Variants in TATDN2 observed in about 807,000 individuals in gnomAD.
The protein encoded by TATDN2 is 3'-5' RNA nuclease TATDN2.
Under a neutral mutation model 60.3 loss-of-function variants are expected in TATDN2, and 44 were observed. That is an observed-to-expected ratio of 0.73 (90% CI 0.57 to 0.94). The LOEUF (loss-of-function observed/expected upper bound fraction) is 0.94. TATDN2 is among the 40% of genes least tolerant of loss of function. The probability of loss-of-function intolerance (pLI) is 0.00; values close to 1 mark genes in which losing one functional copy is unlikely to be tolerated. For missense variants in TATDN2, 997 were observed against 948.0 expected (o/e 1.05, Z -0.68); for synonymous variants, 399 against 355.8 (o/e 1.12, Z -1.37).
rs932027667 is a variant in TATDN2 at position 10,279,192 on chromosome 3, CCTT to C, written c.*39-22_*39-20del. 280 of 954,688 alleles carry C rather than the reference CCTT, an allele frequency of 2.9e-4. 1 individual carries two copies. Among genetic ancestry groups the C allele is most frequent in the South Asian group, 1.4e-3 (79 of 55,720 alleles). The allele number at this position is 954,688 out of a possible 1,614,324, so 59.1% of individuals were successfully genotyped here. On this transcript the variant is annotated intron_variant, in intron 7 of 7. Transcript: ENST00000448281. ...TTGTTTTGAGTGACATGGTTTGGAA[CCTT>C]CTTCTTTTTCTCTTCCACCCTCCAG...
Position 10,270,527 on chromosome 3 carries a change from C to T in TATDN2, c.1345C>T (p.Arg449Cys), listed in dbSNP as rs557647156. Reference protein sequence around the residue: ...EGWSQNSRSFRFSRSSEEREV... With the variant: ...EGWSQNSRSFCFSRSSEEREV... ...CTGGTCCCAGAATTCTCGTTCATTT[C>T]GCTTCTCCAGAAGCTCAGAAGAAAG... Residue 449 changes from arginine to cysteine, a missense_variant, in exon 4 of 8, where the codon CGC (arginine) becomes TGC (cysteine). Coordinates refer to ENST00000448281, the MANE Select transcript of TATDN2 (RefSeq NM_014760.4). 1.1e-5 allele frequency: 17 copies of T among 1,614,232 alleles called. No homozygotes were observed. Among genetic ancestry groups the T allele is most frequent in the South Asian group, 4.4e-5 (4 of 91,086 alleles).
At chr3:10,253,059 A>G (rs1039426064) in intron 2 of TATDN2, among the ~76,000 whole-genome samples, 3 of 151,828 alleles carry the variant, frequency 2.0e-5, no homozygotes, top group African/African-American at 7.3e-5. Context: ...GGGTTTCACC[A>G]TGTTAGCCAG....
intron 3 of TATDN2, among the ~76,000 whole-genome samples, chr3:10,269,363 G>C (rs1698523424): frequency 6.6e-6 from 1 of 152,190 alleles, no homozygotes; most frequent in Non-Finnish European, 1.5e-5. Context: ...AGGGGTCATA[G>C]ACCCCACTCT....
chr3:10,255,715 G>A (rs1698298194), intron 2 of TATDN2, among the ~76,000 whole-genome samples: 2 of 152,172 alleles, frequency 1.3e-5, no homozygotes, highest in South Asian at 2.1e-4. Context: ...GCTCAGGTGG[G>A]CTGATCACTT....
intron 3 of TATDN2, among the ~76,000 whole-genome samples, chr3:10,265,475 A>G (rs1698463893): frequency 6.6e-6 from 1 of 151,124 alleles, no homozygotes; most frequent in African/African-American, 2.4e-5. Context: ...AAGTCAGGAG[A>G]TCGAGACCAT....
In TATDN2 at chr3:10,280,272, C is replaced by G. The variant is rs1698713405; in HGVS notation, c.*1090C>G. On this transcript the variant is annotated 3_prime_UTR_variant, in exon 8 of 8. Transcript: ENST00000448281. The stretch of plus-strand genomic sequence containing the variant: ...CCGCATCTCCTGGGTGCCCCCTTGG[C>G]TTTGCCTCTCCTGTGTCCTGTCTTT... 1 of 153,912 alleles carries G rather than the reference C, an allele frequency of 6.5e-6. No homozygotes were observed. The highest frequency in any genetic ancestry group is 2.4e-5 in the African/African-American group (1 of 41,466). The allele number at this position is 153,912 out of a possible 1,614,324, so 9.5% of individuals were successfully genotyped here.
rs1483997247 is a variant in TATDN2, at chr3:10,278,293, G to A, written c.1976G>A (p.Gly659Asp). 6.2e-7 allele frequency: 1 copy of A among 1,613,860 alleles called. No homozygotes were observed. The highest frequency in any genetic ancestry group is 1.6e-4 in the Middle Eastern group (1 of 6,062). ...TCTGTCTCCAGGCATTGCTTCACCG[G>A]CAGCTACCCGGTCATTGAGCCCCTG... ...DYKIHRHCFT[G>D]SYPVIEPLLK... The change falls in exon 6 of 8, where the codon GGC (glycine) becomes GAC (aspartate). Residue 659 changes from glycine (G) to aspartate (D), a missense_variant. Physicochemically the swap from Gly to Asp is moderately conservative, Grantham distance 94 (BLOSUM62 -1). Transcript: ENST00000448281. This position sits in a 1 kb window ranked among gnomAD's most constrained non-coding sequence, Gnocchi z 4.7.
intron 3 of TATDN2, 101 bp downstream of exon 3, chr3:10,260,771 ACTTT>A: frequency 7.3e-7 from 1 of 1,376,166 alleles, no homozygotes. Flanking sequence ...TAAAAATAGT[ACTTT>A]ACTTAACCAG....
chr3:10,279,085 A>AT (rs957988188), intron 7 of TATDN2, 22 bp downstream of exon 7: 1 of 1,571,788 alleles, frequency 6.4e-7, no homozygotes, highest in African/African-American at 1.4e-5. Flanking sequence ...CACATTCTGT[A>AT]TTTTTTAAAA....
In TATDN2 at chr3:10,260,409, A is replaced by G; in HGVS notation, c.687A>G (p.Gly229=). The part of the protein sequence containing the change: ...SHGEGPARSE[G]PAKTAEGAAR... The stretch of plus-strand genomic sequence containing the variant: ...GAGAAGGACCAGCCAGGAGTGAAGG[A>G]CCAGCCAAGACTGCAGAAGGAGCAG... The change falls in exon 3 of 8, where the codon GGA becomes GGG. Residue 229 remains glycine, a synonymous_variant. Transcript: ENST00000448281. 6.2e-7 allele frequency: 1 copy of G among 1,613,896 alleles called. No individual in the cohort carries two copies. Among genetic ancestry groups the G allele is most frequent in the Admixed American group, 1.7e-5 (1 of 59,982 alleles).
In TATDN2 at chr3:10,271,562, C is replaced by A. The variant is rs139137653; in HGVS notation, c.1833+547C>A. Among the ~76,000 whole-genome samples the A allele has an allele frequency of 1.3e-4, 20 of 152,006 alleles. 1 individual carries two copies. Among genetic ancestry groups the A allele is most frequent in the Non-Finnish European group, 2.4e-4 (16 of 68,014 alleles). On this transcript the variant is annotated intron_variant, in intron 4 of 7. Transcript: ENST00000448281. ...CAGGTGATCCACCCGCCTTGGCCTC[C>A]GAAAGTGCTGTGATTACAGGCATGA...
intron 3 of TATDN2, 96 bp from the exon 4 acceptor site, chr3:10,270,035 A>T (rs1698532710): frequency 1.4e-6 from 2 of 1,467,784 alleles, no homozygotes; most frequent in African/African-American, 2.8e-5. Flanking sequence ...CATGGCCAGA[A>T]GAACAAGCCA....
At chr3:10,250,187 T>A (rs1265002722) in intron 2 of TATDN2, among the ~76,000 whole-genome samples, 1 of 151,738 alleles carries the variant, frequency 6.6e-6, no homozygotes, top group Non-Finnish European at 1.5e-5. Flanking sequence ...TTTTTTCTTT[T>A]TTTTTTGGAG....
chr3:10,249,119 GC>G, intron 1 of TATDN2, 52 bp downstream of exon 1: 1 of 1,474,732 alleles, frequency 6.8e-7, no homozygotes, highest in Non-Finnish European at 9.0e-7. Flanking sequence ...GTCCTCCTGG[GC>G]CCGGGGTGGC....
At chr3:10,258,973 G>A (rs1309518289) in intron 2 of TATDN2, among the ~76,000 whole-genome samples, 1 of 152,104 alleles carries the variant, frequency 6.6e-6, no homozygotes, top group East Asian at 1.9e-4. Context: ...AGGTTCAAGC[G>A]ATTCTTGTGC....
rs1553628212 is a variant in TATDN2, at chr3:10,255,007, T to TTCCCCCTCCCCC, written c.415-5126_415-5125insCCTCCCCCTCCC. Among the ~76,000 whole-genome samples the TTCCCCCTCCCCC allele has an allele frequency of 1.0e-4, 7 of 68,758 alleles. No homozygotes were observed. The Admixed American group carries it at 1.1e-3, about 10-fold the overall frequency. The allele number at this position is 68,758 out of a possible 152,430, so 45.1% of individuals were successfully genotyped here. ...CCCCTTCCCCCTTCCTCCTTCCCAC[T>TTCCCCCTCCCCC]TCCCACTCCCCCTCCCCCTCCCCCT... On this transcript the variant is annotated intron_variant, in intron 2 of 7. Transcript: ENST00000448281.
At chr3:10,258,609 C>T (rs929231647) in intron 2 of TATDN2, among the ~76,000 whole-genome samples, 8 of 151,928 alleles carry the variant, frequency 5.3e-5, no homozygotes, top group African/African-American at 1.7e-4. Context: ...AGTGGGATTA[C>T]AGGTGCCCGC....
At chr3:10,252,381 C>G (rs915365788) in intron 2 of TATDN2, among the ~76,000 whole-genome samples, 1 of 152,038 alleles carries the variant, frequency 6.6e-6, no homozygotes, top group East Asian at 1.9e-4. Flanking sequence ...TCACTCTTGT[C>G]GAGTGAGGGT....
chr3:10,278,826 C>A lies in TATDN2; in HGVS notation c.2146-59C>A. 1 of 1,612,476 alleles carries A rather than the reference C, an allele frequency of 6.2e-7. No homozygotes were observed. Among genetic ancestry groups the A allele is most frequent in the Admixed American group, 1.7e-5 (1 of 59,806 alleles). On this transcript the variant is annotated intron_variant, in intron 6 of 7. Coordinates refer to ENST00000448281, the MANE Select transcript of TATDN2 (RefSeq NM_014760.4). The surrounding 1 kb of genome is among the most constrained non-coding windows in gnomAD (Gnocchi z 4.7). Reference sequence around the variant, plus strand: ...CTGGGGAAGGGACAGGGAGGGAGTTCTAGATTATGACTGTGCACACATGGC... The same window carrying A: ...CTGGGGAAGGGACAGGGAGGGAGTTATAGATTATGACTGTGCACACATGGC...
Sources: gnomAD v4.1 joint callset for allele counts (sites outside exome capture counted in the v4.1 genomes callset) on GRCh38, gnomAD v4.1.1 for gene constraint, Gnocchi (gnomAD v3.1) non-coding constraint, MANE v1.5 for transcripts, NCBI Gene and HGNC (gene_info 2026-07-23, HGNC 2026-07-21) for gene names.